The following EFR3B variants were observed in gnomAD, a reference collection of about 807,000 sequenced individuals.
EFR3B encodes the protein EFR3 homolog B.
EFR3B carries 64 observed loss-of-function variants against 104.7 expected under a neutral mutation model. That is an observed-to-expected ratio of 0.61 (90% CI 0.50 to 0.75). EFR3B has a LOEUF of 0.75. Among genes scored for constraint, EFR3B ranks in the 30% least tolerant of loss-of-function variants. The pLI, the probability that EFR3B is intolerant of heterozygous loss-of-function variation, is 0.00. For missense variants in EFR3B, 750 were observed against 1,078.5 expected (o/e 0.70, Z 4.27); for synonymous variants, 385 against 417.9 (o/e 0.92, Z 0.96).
intron 1 of EFR3B, among the ~76,000 whole-genome samples, chr2:25,086,084 C>T (rs188649197): frequency 1.3e-5 from 2 of 152,206 alleles, no homozygotes; most frequent in East Asian, 3.9e-4. Flanking sequence ...TCCTCCATGT[C>T]TTTTCATGGC....
rs1249587570 is a variant in EFR3B, at chr2:25,050,807, T to C, written c.7+8488T>C. Among the ~76,000 whole-genome samples the C allele has an allele frequency of 3.2e-4, 48 of 152,240 alleles. 1 individual carries two copies. Among genetic ancestry groups the C allele is most frequent in the Admixed American group, 3.1e-3 (48 of 15,282 alleles). ...ACAAGATTCATTAGCATTGTAAAAT[T>C]AATGAGATTGCCTAGGACGAATACA... is the stretch of plus-strand genomic sequence containing the variant. On this transcript the variant is annotated intron_variant, in intron 1 of 22. Coordinates refer to ENST00000403714, the MANE Select transcript of EFR3B (RefSeq NM_014971.2).
intron 4 of EFR3B, among the ~76,000 whole-genome samples, chr2:25,110,559 G>A (rs1265861838): frequency 1.3e-5 from 2 of 152,052 alleles, no homozygotes; most frequent in African/African-American, 4.8e-5. Context: ...AGCCCCTCCG[G>A]AGCCTCCCTG....
intron 1 of EFR3B, among the ~76,000 whole-genome samples, chr2:25,077,215 C>T (rs1399481576): frequency 6.6e-6 from 1 of 151,592 alleles, no homozygotes; most frequent in African/African-American, 2.4e-5. Flanking sequence ...AAACTGGAAA[C>T]AACAGAGAAT....
intron 20 of EFR3B, among the ~76,000 whole-genome samples, chr2:25,151,055 A>AT (rs1253086600): frequency 1.3e-5 from 2 of 148,236 alleles, no homozygotes; most frequent in East Asian, 2.2e-4. Context: ...CCTCATCTCT[A>AT]TTAAAAAAAA....
rs116029353 is a variant in EFR3B at position 25,080,058 on chromosome 2, C to T, written c.8-11267C>T. The stretch of plus-strand genomic sequence containing the variant: ...TCTCGGTGCCTTAGCATCATCAACT[C>T]GTGTACCTTGTAACCCCCACAACAG... On this transcript the variant is annotated intron_variant, in intron 1 of 22. Transcript: ENST00000403714. The T allele has an allele frequency of 9.5e-4, 842 of 882,404 alleles. 8 individuals are homozygous for T. In the African/African-American group the frequency reaches 0.012, roughly 13 times the overall value. The allele number at this position is 882,404 out of a possible 1,614,324, so 54.7% of individuals were successfully genotyped here. A position where few individuals can be genotyped will look rare whatever the true frequency, so the allele number is the denominator to read the frequency against.
At chr2:25,135,414 G>A in intron 12 of EFR3B, 53 bp from the exon 13 acceptor site, 1 of 1,540,650 alleles carries the variant, frequency 6.5e-7, no homozygotes, top group East Asian at 2.5e-5. Context: ...ATCTCCTCCT[G>A]CACCTGAGAG....
At chr2:25,103,515 G>T (rs1408499563) in intron 3 of EFR3B, 122 bp from the exon 4 acceptor site, 15 of 1,354,044 alleles carry the variant, frequency 1.1e-5, no homozygotes, top group Middle Eastern at 2.5e-4. Context: ...GGCAGCCTGT[G>T]GGGGAGCCTC....
intron 1 of EFR3B, among the ~76,000 whole-genome samples, chr2:25,065,932 G>A (rs1212207808): frequency 6.6e-6 from 1 of 152,138 alleles, no homozygotes; most frequent in Non-Finnish European, 1.5e-5. Context: ...CGCATGAAGG[G>A]AGGGAGAGCA....
At chr2:25,047,918 C>T (rs1052686708) in intron 1 of EFR3B, among the ~76,000 whole-genome samples, 10 of 152,148 alleles carry the variant, frequency 6.6e-5, no homozygotes, top group African/African-American at 1.2e-4. Flanking sequence ...AAAAAATCAT[C>T]GAATCCCTCT....
chr2:25,109,365 A>C (rs1212577582), intron 4 of EFR3B, among the ~76,000 whole-genome samples: 1 of 152,214 alleles, frequency 6.6e-6, no homozygotes, highest in Admixed American at 6.5e-5. Context: ...TCCCACACAC[A>C]AAAGATGGCA....
rs1670286378 is a variant in EFR3B at position 25,130,030 on chromosome 2, C to T, written c.691C>T (p.Leu231=). ...PEKEKESPAE[L]AERCLRELLG... ...GAAGGAGAAAGAGAGCCCCGCGGAGCTGGCTGAGAGGTGTCTTCGGGAGCT... is the reference window on the plus strand; with the variant it reads ...GAAGGAGAAAGAGAGCCCCGCGGAGTTGGCTGAGAGGTGTCTTCGGGAGCT... Residue 231 remains leucine, a synonymous_variant, in exon 7 of 23, where the codon CTG becomes TTG. Coordinates refer to ENST00000403714, the MANE Select transcript of EFR3B (RefSeq NM_014971.2). The surrounding 1 kb of genome is among the most constrained non-coding windows in gnomAD (Gnocchi z 4.6). The T allele has an allele frequency of 6.4e-7, 1 of 1,551,776 alleles. No individual in the cohort carries two copies. The highest frequency in any genetic ancestry group is 2.4e-5 in the East Asian group (1 of 40,914).
intron 4 of EFR3B, among the ~76,000 whole-genome samples, chr2:25,106,285 C>T (rs1275311051): frequency 6.6e-6 from 1 of 151,792 alleles, no homozygotes; most frequent in African/African-American, 2.4e-5. Flanking sequence ...ATCCAGTAGC[C>T]ACCTCTGGAG....
chr2:25,134,620 C>A (rs1222910484), intron 12 of EFR3B, among the ~76,000 whole-genome samples: 4 of 152,046 alleles, frequency 2.6e-5, no homozygotes, highest in Non-Finnish European at 5.9e-5. Context: ...ACTCCCCCGA[C>A]CCCGCCGCCA....
At chr2:25,052,794 T>C (rs1397462071) in intron 1 of EFR3B, among the ~76,000 whole-genome samples, 1 of 151,906 alleles carries the variant, frequency 6.6e-6, no homozygotes, top group Non-Finnish European at 1.5e-5. Flanking sequence ...TGAGCCACTT[T>C]GCCCAGCCTG....
intron 19 of EFR3B, 21 bp downstream of exon 19, chr2:25,145,072 C>T: frequency 6.5e-7 from 1 of 1,549,802 alleles, no homozygotes; most frequent in Non-Finnish European, 8.7e-7. Flanking sequence ...GTGCCACCGT[C>T]CTGGGGCAGC....
intron 1 of EFR3B, among the ~76,000 whole-genome samples, chr2:25,064,271 C>T (rs1176365138): frequency 6.6e-6 from 1 of 152,198 alleles, no homozygotes; most frequent in Non-Finnish European, 1.5e-5. Context: ...AATGATTGAT[C>T]TTGGATCTTT....
chr2:25,151,773 C>T, intron 20 of EFR3B, 141 bp from the exon 21 acceptor site: 1 of 853,460 alleles, frequency 1.2e-6, no homozygotes, highest in South Asian at 2.2e-5. Context: ...AGTGAGGGCA[C>T]CGCACCTCCA....
intron 1 of EFR3B, chr2:25,080,283 C>CTTGTTTTTTTTTT: frequency 6.5e-6 from 1 of 154,474 alleles, no homozygotes; most frequent in Non-Finnish European, 1.1e-5. Context: ...CTCCCCAAAG[C>CTTGTTTTTTTTTT]TTTTTTTTTT....
chr2:25,129,767 C>T (rs1670277935), intron 6 of EFR3B, among the ~76,000 whole-genome samples: 1 of 152,198 alleles, frequency 6.6e-6, no homozygotes, highest in Admixed American at 6.5e-5. Context: ...TTTATCTTTT[C>T]TTCTCCGGTC....
Sources: allele counts gnomAD v4.1 joint callset (sites outside exome capture counted in the v4.1 genomes callset), GRCh38; gene constraint gnomAD v4.1.1; non-coding constraint Gnocchi (gnomAD v3.1); transcripts MANE v1.5; gene names NCBI Gene and HGNC (gene_info 2026-07-23, HGNC 2026-07-21).